TCF4: variants seen among roughly 807,000 people sequenced by gnomAD.
TCF4 encodes transcription factor 4.
Under a neutral mutation model 82.1 loss-of-function variants are expected in TCF4, and 3 were observed. The ratio of observed to expected loss-of-function variants is 0.04; its 90% confidence interval spans 0.02 to 0.09. The LOEUF is 0.09. Among genes scored for constraint, TCF4 ranks in the 10% least tolerant of loss-of-function variants. The pLI is 1.00. For missense variants in TCF4, 518 were observed against 852.7 expected (o/e 0.61, Z 4.89); for synonymous variants, 276 against 309.6 (o/e 0.89, Z 1.14).
chr18:55,449,207 T>G (rs953937306), intron 5 of TCF4, among the ~76,000 whole-genome samples: 15 of 142,114 alleles, frequency 1.1e-4, no homozygotes, highest in South Asian at 2.2e-4. Flanking sequence ...CCAGGTTGGG[T>G]TTTTTTTTCC....
At chr18:55,310,296 C>T (rs1467155354) in intron 8 of TCF4, among the ~76,000 whole-genome samples, 1 of 152,196 alleles carries the variant, frequency 6.6e-6, no homozygotes, top group Non-Finnish European at 1.5e-5. Flanking sequence ...TATCTGTACA[C>T]CAAAGATATA....
intron 8 of TCF4, among the ~76,000 whole-genome samples, chr18:55,296,518 T>C (rs1237273635): frequency 6.6e-6 from 1 of 152,198 alleles, no homozygotes; most frequent in Non-Finnish European, 1.5e-5. Context: ...TTCTACTATA[T>C]GGCTAAGAGA....
chr18:55,426,186 G>A (rs888378960), intron 5 of TCF4, among the ~76,000 whole-genome samples: 1 of 151,272 alleles, frequency 6.6e-6, no homozygotes, highest in African/African-American at 2.4e-5. Flanking sequence ...AACCCTTTTG[G>A]AAGGATATGG....
At chr18:55,601,466 GA>G (rs10718664) in intron 2 of TCF4, among the ~76,000 whole-genome samples, 127,406 of 142,728 alleles carry the variant, frequency 0.89, 56,808 homozygotes, top group East Asian at 0.99. Flanking sequence ...CCATAACTGA[GA>G]AAAAAAAAAA....
chr18:55,586,875 C>T, intron 2 of TCF4, 170 bp downstream of exon 2: 2 of 595,448 alleles, frequency 3.4e-6, no homozygotes, highest in South Asian at 3.9e-5. Flanking sequence ...TCCATCACAC[C>T]ACAAAATTAT....
intron 13 of TCF4, among the ~76,000 whole-genome samples, chr18:55,257,728 T>G (rs1416399860): frequency 6.6e-6 from 1 of 152,188 alleles, no homozygotes. Context: ...AAAAATGGGA[T>G]TTTGTTAGAC....
intron 8 of TCF4, among the ~76,000 whole-genome samples, chr18:55,311,584 A>C (rs1046941061): frequency 6.6e-6 from 1 of 152,216 alleles, no homozygotes; most frequent in African/African-American, 2.4e-5. Flanking sequence ...CTCGAGGAGT[A>C]TCTTCTTTCA....
chr18:55,530,596 T>A (rs2097051643), intron 3 of TCF4, among the ~76,000 whole-genome samples: 1 of 148,278 alleles, frequency 6.7e-6, no homozygotes, highest in African/African-American at 2.5e-5. Context: ...AAAAAGAGGG[T>A]CAGGAGGTGA....
chr18:55,580,742 ATGTGTGTGTGTG>A (rs5825144), intron 3 of TCF4, among the ~76,000 whole-genome samples: 9 of 145,382 alleles, frequency 6.2e-5, no homozygotes, highest in East Asian at 2.0e-4. Context: ...GAGCTGTCTG[ATGTGTGTGTGTG>A]TGTGTGTGTG....
At position 55,586,175 on chromosome 18, in the gene TCF4, AG is replaced by A; in HGVS notation, c.73-824del. The A allele has an allele frequency of 2.0e-4, 100 of 497,712 alleles. 1 individual carries two copies. Among genetic ancestry groups the A allele is most frequent in the Admixed American group, 6.4e-4 (8 of 12,520 alleles). 30.8% of individuals were successfully genotyped at this position (497,712 alleles called of 1,614,324 possible). The stretch of plus-strand genomic sequence containing the variant: ...GAGGAGCAGCAGCAGCAGCAGCAGC[AG>A]CAGCAGCAGCAGCAGCAGCAGCAGC... On this transcript the variant is annotated intron_variant, in intron 2 of 19. Coordinates refer to ENST00000354452, the MANE Select transcript of TCF4 (RefSeq NM_001083962.2).
At chr18:55,604,604 C>G (rs2097700535) in intron 2 of TCF4, among the ~76,000 whole-genome samples, 1 of 152,126 alleles carries the variant, frequency 6.6e-6, no homozygotes, top group South Asian at 2.1e-4. Context: ...GAGCAAATGG[C>G]AGAGTGTGTG....
intron 2 of TCF4, among the ~76,000 whole-genome samples, chr18:55,627,251 C>T (rs1049763631): frequency 1.1e-4 from 16 of 152,032 alleles, no homozygotes; most frequent in Non-Finnish European, 2.2e-4. Flanking sequence ...TTTTTGTCAA[C>T]AAACATATTG....
chr18:55,442,447 TA>T (rs1240701610), intron 5 of TCF4, among the ~76,000 whole-genome samples: 1 of 152,222 alleles, frequency 6.6e-6, no homozygotes, highest in Non-Finnish European at 1.5e-5. Context: ...TCCATCCATG[TA>T]AATGAAAAAT....
At chr18:55,410,826 T>C (rs2094314530) in intron 5 of TCF4, among the ~76,000 whole-genome samples, 1 of 152,172 alleles carries the variant, frequency 6.6e-6, no homozygotes, top group African/African-American at 2.4e-5. Context: ...CCATGATGGA[T>C]GAAAATGTCC....
At chr18:55,435,153 C>T (rs2095302505) in intron 5 of TCF4, among the ~76,000 whole-genome samples, 1 of 152,134 alleles carries the variant, frequency 6.6e-6, no homozygotes, top group South Asian at 2.1e-4. Flanking sequence ...ACTGTAGCAC[C>T]TTCTCTCAAA....
At chr18:55,303,260 C>CCCCT in intron 8 of TCF4, among the ~76,000 whole-genome samples, 1 of 151,560 alleles carries the variant, frequency 6.6e-6, no homozygotes, top group African/African-American at 2.4e-5. Context: ...CACACACACA[C>CCCCT]ACACACACCC....
chr18:55,383,191 CTAGAGTA>C (rs1047187998), intron 6 of TCF4, among the ~76,000 whole-genome samples: 5 of 152,328 alleles, frequency 3.3e-5, no homozygotes, highest in Admixed American at 6.5e-5. Context: ...CTGTAAAACA[CTAGAGTA>C]TAAACAGTCT....
chr18:55,574,268 T>C (rs1468435473), intron 3 of TCF4, among the ~76,000 whole-genome samples: 1 of 152,254 alleles, frequency 6.6e-6, no homozygotes, highest in Admixed American at 6.5e-5. Context: ...AAGTCTGTAC[T>C]TGGTTATATT....
At chr18:55,466,967 A>G (rs2096039162) in intron 3 of TCF4, among the ~76,000 whole-genome samples, 2 of 151,958 alleles carry the variant, frequency 1.3e-5, no homozygotes, top group Admixed American at 6.6e-5. Flanking sequence ...CATCTTTCCC[A>G]CTTCCTGACC....
Sources: allele counts gnomAD v4.1 joint callset (sites outside exome capture counted in the v4.1 genomes callset), GRCh38; gene constraint gnomAD v4.1.1; transcripts MANE v1.5; gene names NCBI Gene and HGNC (gene_info 2026-07-23, HGNC 2026-07-21).